Variants in HS3ST4 observed in about 807,000 individuals in gnomAD.
The protein encoded by HS3ST4 is heparan sulfate glucosamine 3-O-sulfotransferase 4.
In HS3ST4, 17 loss-of-function variants were observed where a neutral mutation model predicts 29.2. The observed-to-expected ratio is 0.58, with a 90% confidence interval of 0.40 to 0.87. The LOEUF is 0.87. Among genes scored for constraint, HS3ST4 ranks in the 40% least tolerant of loss-of-function variants. The probability of loss-of-function intolerance (pLI) is 0.00; values close to 1 mark genes in which losing one functional copy is unlikely to be tolerated. For missense variants in HS3ST4, 627 were observed against 634.5 expected (o/e 0.99, Z 0.13); for synonymous variants, 314 against 285.7 (o/e 1.10, Z -1.00).
intron 1 of HS3ST4, among the ~76,000 whole-genome samples, chr16:25,811,422 C>CTTTTTTTTTTT (rs5816324): frequency 1.5e-5 from 2 of 129,058 alleles, no homozygotes; most frequent in African/African-American, 2.9e-5. Context: ...TTTTCTTCTT[C>CTTTTTTTTTTT]TTTTTTTTTT....
chr16:26,082,252 C>T (rs972989964), intron 1 of HS3ST4, among the ~76,000 whole-genome samples: 6 of 152,182 alleles, frequency 3.9e-5, no homozygotes, highest in African/African-American at 7.2e-5. Context: ...ATGACTACAA[C>T]CATTCTTCAA....
intron 1 of HS3ST4, among the ~76,000 whole-genome samples, chr16:25,709,512 C>T (rs1042016225): frequency 6.6e-6 from 1 of 152,074 alleles, no homozygotes; most frequent in Non-Finnish European, 1.5e-5. Context: ...GCAATCTTTC[C>T]CCGAAGTACA....
chr16:25,976,218 T>A (rs991270115), intron 1 of HS3ST4, among the ~76,000 whole-genome samples: 2 of 152,208 alleles, frequency 1.3e-5, no homozygotes, highest in Non-Finnish European at 2.9e-5. Context: ...TTATTACAAG[T>A]GTCTCATATT....
At chr16:25,952,632 G>T (rs1014417342) in intron 1 of HS3ST4, among the ~76,000 whole-genome samples, 4 of 152,116 alleles carry the variant, frequency 2.6e-5, no homozygotes, top group African/African-American at 9.7e-5. Context: ...CACATAAAAA[G>T]AATTTAAATA....
intron 1 of HS3ST4, among the ~76,000 whole-genome samples, chr16:25,906,932 C>T (rs150615768): frequency 2.2e-4 from 34 of 152,264 alleles, no homozygotes; most frequent in South Asian, 6.2e-4. Flanking sequence ...CAGTGGCTCA[C>T]ACCTGTAATC....
chr16:25,753,410 T>C (rs562537755), intron 1 of HS3ST4, among the ~76,000 whole-genome samples: 3 of 152,344 alleles, frequency 2.0e-5, no homozygotes, highest in African/African-American at 7.2e-5. Context: ...TAGTGATTGA[T>C]GGCCAGAATG....
intron 1 of HS3ST4, among the ~76,000 whole-genome samples, chr16:26,125,969 T>C (rs1899338301): frequency 6.6e-6 from 1 of 152,262 alleles, no homozygotes; most frequent in East Asian, 1.9e-4. Context: ...GTAGAACAGA[T>C]AAATTACTCC....
chr16:25,764,907 A>G (rs920890694), intron 1 of HS3ST4, among the ~76,000 whole-genome samples: 2 of 152,250 alleles, frequency 1.3e-5, no homozygotes, highest in African/African-American at 4.8e-5. Flanking sequence ...TATTTGCAGT[A>G]AGAGTAACCG....
In HS3ST4 at chr16:26,106,013, T is replaced by C. The variant is rs555165766; in HGVS notation, c.735-29599T>C. Reference sequence around the variant, plus strand: ...AGGGGAAGAACAGAAAAATAAGGAATGGAAGAAAGATAAAATGAAGAACAA... The same window carrying C: ...AGGGGAAGAACAGAAAAATAAGGAACGGAAGAAAGATAAAATGAAGAACAA... On this transcript the variant is annotated intron_variant, in intron 1 of 1. Transcript: ENST00000331351. Among the ~76,000 whole-genome samples the C allele has an allele frequency of 5.3e-5, 8 of 152,214 alleles. No homozygotes were observed. The South Asian group carries it at 1.7e-3, about 32-fold the overall frequency.
intron 1 of HS3ST4, among the ~76,000 whole-genome samples, chr16:25,893,985 CA>C (rs1030226242): frequency 6.6e-6 from 1 of 152,144 alleles, no homozygotes; most frequent in Non-Finnish European, 1.5e-5. Context: ...GGTTTTAAAC[CA>C]GGGCGATTTC....
intron 1 of HS3ST4, among the ~76,000 whole-genome samples, chr16:26,067,459 T>C (rs1898555687): frequency 6.6e-6 from 1 of 152,186 alleles, no homozygotes; most frequent in Non-Finnish European, 1.5e-5. Context: ...AACTTTTCTC[T>C]GCCACTAATT....
intron 1 of HS3ST4, among the ~76,000 whole-genome samples, chr16:26,012,256 C>T (rs1650286087): frequency 6.6e-6 from 1 of 152,028 alleles, no homozygotes; most frequent in Middle Eastern, 3.2e-3. Flanking sequence ...AGCTTCCTGT[C>T]AAAGTGTATC....
intron 1 of HS3ST4, among the ~76,000 whole-genome samples, chr16:26,125,976 C>A (rs756455294): frequency 1.3e-5 from 2 of 152,220 alleles, no homozygotes; most frequent in Non-Finnish European, 1.5e-5. Context: ...AGATAAATTA[C>A]TCCTTAGCTC....
At chr16:25,699,327 A>T (rs1966319356) in intron 1 of HS3ST4, among the ~76,000 whole-genome samples, 1 of 152,258 alleles carries the variant, frequency 6.6e-6, no homozygotes, top group African/African-American at 2.4e-5. Flanking sequence ...ATATTGCAAC[A>T]TCCACAAAAG....
chr16:25,959,827 A>G (rs1968776643), intron 1 of HS3ST4, among the ~76,000 whole-genome samples: 1 of 151,978 alleles, frequency 6.6e-6, no homozygotes, highest in Non-Finnish European at 1.5e-5. Flanking sequence ...GTATTAGTTC[A>G]TGCAAGATCT....
intron 1 of HS3ST4, among the ~76,000 whole-genome samples, chr16:25,817,410 G>T (rs1442229553): frequency 6.6e-6 from 1 of 152,214 alleles, no homozygotes; most frequent in East Asian, 1.9e-4. Flanking sequence ...CAACCTCGTT[G>T]CGGCTACTTA....
intron 1 of HS3ST4, among the ~76,000 whole-genome samples, chr16:26,099,242 C>T (rs752786646): frequency 3.3e-5 from 5 of 152,194 alleles, no homozygotes; most frequent in South Asian, 4.1e-4. Context: ...GCAGCCTCAA[C>T]GTCCTGGGCT....
At chr16:26,038,303 G>T (rs555030334) in intron 1 of HS3ST4, among the ~76,000 whole-genome samples, 1 of 152,236 alleles carries the variant, frequency 6.6e-6, no homozygotes, top group South Asian at 2.1e-4. Context: ...TTCCCAAGCA[G>T]CATTTTCCTT....
chr16:25,713,211 T>C (rs960241879), intron 1 of HS3ST4, among the ~76,000 whole-genome samples: 8 of 152,080 alleles, frequency 5.3e-5, no homozygotes, highest in Non-Finnish European at 1.0e-4. Flanking sequence ...TGACCTCATT[T>C]TAAATTAATC....
Sources: allele counts gnomAD v4.1 joint callset (sites outside exome capture counted in the v4.1 genomes callset), GRCh38; gene constraint gnomAD v4.1.1; transcripts MANE v1.5; gene names NCBI Gene and HGNC (gene_info 2026-07-23, HGNC 2026-07-21).